Variants in ERVV-2 observed in about 807,000 individuals in gnomAD.
The protein encoded by ERVV-2 is endogenous retrovirus group V member 2 Env polyprotein.
For synonymous variants in ERVV-2, 105 were observed against 184.6 expected (o/e 0.57, Z 3.49); for missense variants, 291 against 495.1 (o/e 0.59, Z 3.91).
intron 1 of ERVV-2, among the ~76,000 whole-genome samples, chr19:53,048,306 C>T (rs1052129378): frequency 2.6e-5 from 4 of 151,926 alleles, no homozygotes; most frequent in South Asian, 4.1e-4. Flanking sequence ...CCCCAGGAGG[C>T]GGAGGTTGCA....
rs2083910814 is a variant in ERVV-2 at position 53,050,890 on chromosome 19, T to G, written c.*31T>G. The G allele has an allele frequency of 6.8e-7, 1 of 1,474,616 alleles. No homozygotes were observed. Among genetic ancestry groups the G allele is most frequent in the South Asian group, 1.4e-5 (1 of 72,732 alleles). The allele number at this position is 1,474,616 out of a possible 1,614,324, so 91.3% of individuals were successfully genotyped here. On this transcript the variant is annotated 3_prime_UTR_variant, in exon 2 of 2. Transcript: ENST00000601417. ...AGCAAGAGAGGGAGACCCTGATGAC[T>G]TCTTCGCCCCATGTCAGCAGGAAGT...
intron 1 of ERVV-2, among the ~76,000 whole-genome samples, chr19:53,046,864 C>A (rs926082351): frequency 6.6e-6 from 1 of 152,162 alleles, no homozygotes; most frequent in Non-Finnish European, 1.5e-5. Context: ...CCAGCCTGAT[C>A]AACATGGAGA....
Position 53,051,136 on chromosome 19 carries a change from C to CTTTTTTTTTTTTTTTTT in ERVV-2, c.*289_*305dup, listed in dbSNP as rs57887970. ...TAACCCATCCTAGAACAGCCTTTTG[C>CTTTTTTTTTTTTTTTTT]TTTTTTTTTTTTTTTTTTTTTTTTT... is the stretch of plus-strand genomic sequence containing the variant. On this transcript the variant is annotated 3_prime_UTR_variant, in exon 2 of 2. Coordinates refer to ENST00000601417, the MANE Select transcript of ERVV-2 (RefSeq NM_001191055.2). 5.4e-4 allele frequency: 59 copies of CTTTTTTTTTTTTTTTTT among 110,010 alleles called. 4 individuals carry two copies. Among genetic ancestry groups the CTTTTTTTTTTTTTTTTT allele is most frequent in the African/African-American group, 2.5e-3 (53 of 21,154 alleles). The allele number at this position is 110,010 out of a possible 1,614,324, so 6.8% of individuals were successfully genotyped here.
intron 1 of ERVV-2, among the ~76,000 whole-genome samples, chr19:53,046,654 A>AT (rs949021677): frequency 6.6e-6 from 1 of 152,186 alleles, no homozygotes; most frequent in African/African-American, 2.4e-5. Context: ...CTTTTCAAGC[A>AT]TTTTTTTCTG....
At chr19:53,047,168 AAG>A (rs2083894498) in intron 1 of ERVV-2, among the ~76,000 whole-genome samples, 1 of 150,946 alleles carries the variant, frequency 6.6e-6, no homozygotes, top group African/African-American at 2.4e-5. Flanking sequence ...CAAAAAAAAA[AAG>A]AAACCCCGTC....
rs551356870 is a variant in ERVV-2 at position 53,049,361 on chromosome 19, C to T, written c.110C>T (p.Ser37Leu). ...GTCAGTTTTTCCAAAATAATTGCTT[C>T]GGGAAACCATCTAAGCAACTGTTGG... ...SLVSFSKIIA[S>L]GNHLSNCWIC... The change falls in exon 2 of 2, where the codon TCG (serine) becomes TTG (leucine). Residue 37 changes from serine to leucine, a missense_variant. Transcript: ENST00000601417. 3,370 of 891,972 alleles carry T rather than the reference C, an allele frequency of 3.8e-3. 13 individuals are homozygous for T. The highest frequency in any genetic ancestry group is 4.0e-3 in the Non-Finnish European group (2,460 of 610,916). The allele number at this position is 891,972 out of a possible 1,614,324, so 55.3% of individuals were successfully genotyped here. A position where few individuals can be genotyped will look rare whatever the true frequency, so the allele number is the denominator to read the frequency against.
intron 1 of ERVV-2, among the ~76,000 whole-genome samples, chr19:53,046,262 GA>G (rs1000139136): frequency 3.9e-4 from 57 of 144,974 alleles, no homozygotes; most frequent in African/African-American, 6.8e-4. Flanking sequence ...AACTCTGTCT[GA>G]AAAAAAAAAA....
intron 1 of ERVV-2, among the ~76,000 whole-genome samples, chr19:53,046,834 C>T (rs960894887): frequency 6.6e-6 from 1 of 152,068 alleles, no homozygotes; most frequent in Non-Finnish European, 1.5e-5. Flanking sequence ...GGCGTGTCAC[C>T]CGAGGTTGTG....
Position 53,049,823 on chromosome 19 carries a change from T to C in ERVV-2, c.572T>C (p.Leu191Pro). Residue 191 changes from leucine (L) to proline (P), a missense_variant, in exon 2 of 2, where the codon CTA becomes CCA. Leu to Pro is a moderately conservative substitution (Grantham distance 98). Transcript: ENST00000601417. ...TGTGCAGCTTGGGAAGGAAAAGAGC[T>C]AATCACATGGAGGGTTCTATATTCG... ...NRCAAWEGKE[L>P]ITWRVLYSLP... 1.3e-6 allele frequency: 2 copies of C among 1,534,578 alleles called. No homozygotes were observed. Among genetic ancestry groups the C allele is most frequent in the Non-Finnish European group, 1.7e-6 (2 of 1,146,580 alleles).
At chr19:53,047,346 C>CA (rs893362584) in intron 1 of ERVV-2, among the ~76,000 whole-genome samples, 2 of 151,760 alleles carry the variant, frequency 1.3e-5, no homozygotes, top group African/African-American at 2.4e-5. Flanking sequence ...GAAACTGTCT[C>CA]AAAAAAAAGG....
At position 53,051,329 on chromosome 19, in the gene ERVV-2, A is replaced by G. The variant is rs2083913607; in HGVS notation, c.*470A>G. On this transcript the variant is annotated 3_prime_UTR_variant, in exon 2 of 2. Coordinates refer to ENST00000601417, the MANE Select transcript of ERVV-2 (RefSeq NM_001191055.2). ...GCCCGGCTAATTTTGTATTTTTAGTAGAGATGGGGTTTCACCATGTTGGTC... is the reference window on the plus strand; with the variant it reads ...GCCCGGCTAATTTTGTATTTTTAGTGGAGATGGGGTTTCACCATGTTGGTC... 6.6e-6 allele frequency among the ~76,000 whole-genome samples: 1 copy of G among 151,774 alleles called. No homozygotes were observed. The highest frequency in any genetic ancestry group is 2.4e-5 in the African/African-American group (1 of 41,276).
Position 53,050,672 on chromosome 19 carries a change from G to A in ERVV-2, c.1421G>A (p.Gly474Asp). Residue 474 changes from glycine to aspartate, a missense_variant, in exon 2 of 2, where the codon GGC becomes GAC. Physicochemically the swap from Gly to Asp is moderately conservative, Grantham distance 94. Coordinates refer to ENST00000601417, the MANE Select transcript of ERVV-2 (RefSeq NM_001191055.2). Reference protein sequence around the residue: ...ATVILLLFLFGPCFFNLLIKC... With the variant: ...ATVILLLFLFDPCFFNLLIKC... ...GTTATACTCTTACTTTTCCTCTTTG[G>A]CCCTTGTTTCTTTAATTTACTGATT... 1 of 1,506,252 alleles carries A rather than the reference G, an allele frequency of 6.6e-7. No individual in the cohort carries two copies. The highest frequency in any genetic ancestry group is 8.9e-7 in the Non-Finnish European group (1 of 1,120,062). The allele number at this position is 1,506,252 out of a possible 1,614,324, so 93.3% of individuals were successfully genotyped here. A position where few individuals can be genotyped will look rare whatever the true frequency, so the allele number is the denominator to read the frequency against.
Position 53,050,843 on chromosome 19 carries a change from A to G in ERVV-2, c.1592A>G (p.Glu531Gly). 6.5e-7 allele frequency: 1 copy of G among 1,531,924 alleles called. No individual in the cohort carries two copies. 94.9% of individuals were successfully genotyped at this position (1,531,924 alleles called of 1,614,324 possible). The change falls in exon 2 of 2, where the codon GAG (glutamate) becomes GGG (glycine). Residue 531 changes from glutamate (E) to glycine (G), a missense_variant. Transcript: ENST00000601417. ...GGGCAAAGATTCCGGGAAACTATGG[A>G]GGAATTTTCTCTCTGAGACAGAGCA... is the stretch of plus-strand genomic sequence containing the variant. Reference protein sequence around the residue: ...ASGQRFRETMEEFSL With the variant: ...ASGQRFRETMGEFSL
intron 1 of ERVV-2, among the ~76,000 whole-genome samples, chr19:53,046,489 C>T (rs923584685): frequency 1.3e-5 from 2 of 152,186 alleles, no homozygotes; most frequent in African/African-American, 2.4e-5. Flanking sequence ...GTAACAGACC[C>T]GTGAAGTACT....
chr19:53,045,523 G>A (rs1260121310), intron 1 of ERVV-2, among the ~76,000 whole-genome samples: 1 of 152,066 alleles, frequency 6.6e-6, no homozygotes, highest in Non-Finnish European at 1.5e-5. Flanking sequence ...GGCTGGTCTC[G>A]AACTCCTGAC....
chr19:53,046,827 G>T (rs1030826849), intron 1 of ERVV-2, among the ~76,000 whole-genome samples: 1 of 152,170 alleles, frequency 6.6e-6, no homozygotes, highest in South Asian at 2.1e-4. Context: ...CAAGGCGGGC[G>T]TGTCACCCGA....
chr19:53,047,553 C>A (rs1376500316), intron 1 of ERVV-2, among the ~76,000 whole-genome samples: 1 of 152,150 alleles, frequency 6.6e-6, no homozygotes, highest in Admixed American at 6.5e-5. Flanking sequence ...CTAAGAAATC[C>A]TTCTGAGCAA....
Position 53,050,713 on chromosome 19 carries a change from A to G in ERVV-2, c.1462A>G (p.Arg488Gly), listed in dbSNP as rs1389726115. The change falls in exon 2 of 2, where the codon AGG becomes GGG. Residue 488 changes from arginine to glycine, a missense_variant. By Grantham distance (125) the Arg-to-Gly change is moderately radical. Coordinates refer to ENST00000601417, the MANE Select transcript of ERVV-2 (RefSeq NM_001191055.2). ...FNLLIKCVSS[R>G]IKQFHMKSPQ... ...TTTACTGATTAAGTGTGTCTCTTCT[A>G]GGATAAAGCAATTTCACATGAAGTC... 1 of 1,535,454 alleles carries G rather than the reference A, an allele frequency of 6.5e-7. No individual in the cohort carries two copies. The highest frequency in any genetic ancestry group is 8.7e-7 in the Non-Finnish European group (1 of 1,146,370).
chr19:53,046,063 A>G (rs2145384837), intron 1 of ERVV-2, among the ~76,000 whole-genome samples: 1 of 152,138 alleles, frequency 6.6e-6, no homozygotes, highest in Middle Eastern at 3.4e-3. Flanking sequence ...GGAGTTCAAG[A>G]CCAGCCTGGC....
Sources: allele counts gnomAD v4.1 joint callset (sites outside exome capture counted in the v4.1 genomes callset), GRCh38; gene constraint gnomAD v4.1.1; transcripts MANE v1.5; gene names NCBI Gene and HGNC (gene_info 2026-07-23, HGNC 2026-07-21).